Variants in SNAP29 observed in about 807,000 individuals in gnomAD.
SNAP29 encodes synaptosomal-associated protein 29.
In SNAP29, 13 loss-of-function variants were observed where a neutral mutation model predicts 27.9. The observed-to-expected ratio is 0.47, with a 90% CI of 0.30 to 0.74. The LOEUF is 0.74. Ranked by LOEUF, SNAP29 falls within the 30% of genes least tolerant of loss-of-function variation. The pLI, the probability that SNAP29 is intolerant of heterozygous loss-of-function variation, is 0.06. For synonymous variants in SNAP29, 119 were observed against 127.1 expected, an observed-to-expected ratio of 0.94 and a Z score of 0.43; for missense variants, 368 against 336.5, an observed-to-expected ratio of 1.09 and a Z score of -0.73.
intron 2 of SNAP29, among the ~76,000 whole-genome samples, chr22:20,871,374 A>G (rs1928587444): frequency 6.6e-6 from 1 of 150,608 alleles, no homozygotes; most frequent in Admixed American, 6.6e-5. Context: ...TCCTAGCTAC[A>G]GGGGAGACTG....
At chr22:20,877,681 A>G (rs975244399) in intron 2 of SNAP29, among the ~76,000 whole-genome samples, 4 of 152,110 alleles carry the variant, frequency 2.6e-5, no homozygotes, top group East Asian at 1.9e-4. Flanking sequence ...ATGCCCCTGC[A>G]CTCCAGCCTG....
Position 20,874,754 on chromosome 22 carries a change from C to T in SNAP29, c.434+4221C>T, listed in dbSNP as rs117378427. On this transcript the variant is annotated intron_variant, in intron 2 of 4. Transcript: ENST00000215730. ...CAGCTCAACCCTAATTTTAAACATCCGCCATTTCCCTCCAGTTCTAGTCGT... is the reference window on the plus strand; with the variant it reads ...CAGCTCAACCCTAATTTTAAACATCTGCCATTTCCCTCCAGTTCTAGTCGT... 9.9e-3 allele frequency among the ~76,000 whole-genome samples: 1,500 copies of T among 151,986 alleles called. 16 individuals carry two copies. Among genetic ancestry groups the T allele is most frequent in the East Asian group, 0.054 (279 of 5,172 alleles).
intron 1 of SNAP29, among the ~76,000 whole-genome samples, chr22:20,865,311 T>G (rs530920827): frequency 1.3e-5 from 2 of 151,890 alleles, no homozygotes; most frequent in Non-Finnish European, 2.9e-5. Context: ...GCTGAGGTCA[T>G]GCCACTGTAT....
At position 20,864,593 on chromosome 22, in the gene SNAP29, T is replaced by C. The variant is rs139742793; in HGVS notation, c.237+5246T>C. On this transcript the variant is annotated intron_variant, in intron 1 of 4. Transcript: ENST00000215730. ...CTGAGGCAGCGTGTGGTGATACTGA[T>C]GCAGCCAGAGTTCTTAGCAAAAGTT... Among the ~76,000 whole-genome samples the C allele has an allele frequency of 1.7e-3, 257 of 152,304 alleles. 1 individual carries two copies. The highest frequency in any genetic ancestry group is 5.8e-3 in the African/African-American group (239 of 41,564).
rs991756471 is a variant in SNAP29 at position 20,887,454 on chromosome 22, AACACACACACACATACAC to A, written c.620-211_620-194del. Among the ~76,000 whole-genome samples the A allele has an allele frequency of 1.4e-4, 21 of 151,350 alleles. 1 individual carries two copies. Among genetic ancestry groups the A allele is most frequent in the African/African-American group, 4.9e-4 (20 of 41,228 alleles). Reference sequence around the variant, plus strand: ...TATCTCCCTACCCCCAGCGTGCACAAACACACACACACATACACACACACACACACAGTCACAAACCTG... The same window carrying A: ...TATCTCCCTACCCCCAGCGTGCACAAACACACACACACAGTCACAAACCTG... On this transcript the variant is annotated intron_variant, in intron 4 of 4. Transcript: ENST00000215730.
At chr22:20,874,103 G>A (rs951679550) in intron 2 of SNAP29, among the ~76,000 whole-genome samples, 27 of 150,242 alleles carry the variant, frequency 1.8e-4, no homozygotes, top group Admixed American at 3.3e-4. Flanking sequence ...GTGAAACCCC[G>A]TCTCTACTAA....
At chr22:20,860,569 C>T (rs1468407643) in intron 1 of SNAP29, among the ~76,000 whole-genome samples, 1 of 151,714 alleles carries the variant, frequency 6.6e-6, no homozygotes, top group Non-Finnish European at 1.5e-5. Flanking sequence ...CAGGGTTTTG[C>T]CCCGTTGGCC....
chr22:20,883,327 C>G (rs979936933), intron 3 of SNAP29, 144 bp from the exon 4 acceptor site: 1 of 647,346 alleles, frequency 1.5e-6, no homozygotes, highest in Non-Finnish European at 2.9e-6. Context: ...GCGCTGTGCT[C>G]CTCCCTCATC....
intron 3 of SNAP29, among the ~76,000 whole-genome samples, chr22:20,881,724 G>A (rs148161048): frequency 1.2e-4 from 18 of 152,176 alleles, no homozygotes; most frequent in Non-Finnish European, 1.8e-4. Flanking sequence ...GAAAATGAGC[G>A]TGCCCATCAT....
At chr22:20,863,413 C>T (rs1163183523) in intron 1 of SNAP29, among the ~76,000 whole-genome samples, 1 of 152,212 alleles carries the variant, frequency 6.6e-6, no homozygotes, top group Non-Finnish European at 1.5e-5. Context: ...GATTATAATT[C>T]AGTCCCAGCT....
At chr22:20,876,447 A>G (rs1928747517) in intron 2 of SNAP29, among the ~76,000 whole-genome samples, 1 of 151,464 alleles carries the variant, frequency 6.6e-6, no homozygotes, top group African/African-American at 2.4e-5. Flanking sequence ...TTGTAGAAAC[A>G]AGGTCTCACT....
Position 20,859,209 on chromosome 22 carries a change from C to T in SNAP29, c.99C>T (p.Asp33=). 6.2e-7 allele frequency: 1 copy of T among 1,602,944 alleles called. No homozygotes were observed. The highest frequency in any genetic ancestry group is 8.5e-7 in the Non-Finnish European group (1 of 1,175,918). ...GGAGGGACGCCCGAGACCTCCCCGA[C>T]GGGCCCGACGCGCCCGCGGACAGGC... The part of the protein sequence containing the change: ...APWRDARDLP[D]GPDAPADRQQ... Residue 33 remains aspartate (D), a synonymous_variant, in exon 1 of 5, where the codon GAC becomes GAT. Coordinates refer to ENST00000215730, the MANE Select transcript of SNAP29 (RefSeq NM_004782.4).
intron 3 of SNAP29, among the ~76,000 whole-genome samples, chr22:20,882,033 G>C (rs930692831): frequency 6.6e-6 from 1 of 152,040 alleles, no homozygotes; most frequent in African/African-American, 2.4e-5. Flanking sequence ...GAGATCTGAA[G>C]ATGCTGCTGG....
At chr22:20,884,644 G>A (rs1445961076) in intron 4 of SNAP29, among the ~76,000 whole-genome samples, 1 of 152,174 alleles carries the variant, frequency 6.6e-6, no homozygotes, top group East Asian at 1.9e-4. Context: ...GTTTGTGATT[G>A]TGTATCTGCT....
In SNAP29 at chr22:20,889,402, T is replaced by TA. The variant is rs1929098421; in HGVS notation, c.*1567dup. ...TGAGCTTTCTGTGCTACCCACTTGT[T>TA]AGATTCCAGCCACCTCAGGGATTCT... On this transcript the variant is annotated 3_prime_UTR_variant, in exon 5 of 5. Transcript: ENST00000215730. The TA allele has an allele frequency of 6.6e-6, 1 of 152,370 alleles. No homozygotes were observed. Among genetic ancestry groups the TA allele is most frequent in the African/African-American group, 2.4e-5 (1 of 41,584 alleles). The allele number at this position is 152,370 out of a possible 1,614,324, so 9.4% of individuals were successfully genotyped here. A position where few individuals can be genotyped will look rare whatever the true frequency, so the allele number is the denominator to read the frequency against.
intron 2 of SNAP29, among the ~76,000 whole-genome samples, chr22:20,871,754 C>T (rs919860670): frequency 3.9e-5 from 6 of 151,968 alleles, no homozygotes; most frequent in African/African-American, 7.3e-5. Flanking sequence ...TGATGGCGGG[C>T]GCCCGTAGTC....
intron 2 of SNAP29, among the ~76,000 whole-genome samples, chr22:20,871,431 C>CTATGATGG (rs1478295964): frequency 7.1e-6 from 1 of 140,058 alleles, no homozygotes; most frequent in Non-Finnish European, 1.5e-5. Context: ...TAGAGTTAAG[C>CTATGATGG]TATGATGGTG....
chr22:20,868,911 C>T (rs966322709), intron 1 of SNAP29, among the ~76,000 whole-genome samples: 1 of 152,224 alleles, frequency 6.6e-6, no homozygotes, highest in Non-Finnish European at 1.5e-5. Context: ...ACTGTGGCCA[C>T]AGAGCATCAC....
At chr22:20,880,602 C>T (rs1928867364) in intron 2 of SNAP29, among the ~76,000 whole-genome samples, 1 of 152,118 alleles carries the variant, frequency 6.6e-6, no homozygotes. Flanking sequence ...TCTAAAGTAC[C>T]GGTTTGGTTG....
Sources: gnomAD v4.1 joint callset for allele counts (sites outside exome capture counted in the v4.1 genomes callset) on GRCh38, gnomAD v4.1.1 for gene constraint, MANE v1.5 for transcripts, NCBI Gene and HGNC (gene_info 2026-07-23, HGNC 2026-07-21) for gene names.